Variants in RBFOX2 observed in about 807,000 individuals in gnomAD.
RBFOX2 encodes RNA binding fox-1 homolog 2.
A neutral mutation model predicts 49.1 loss-of-function variants in RBFOX2; 10 were observed. That is an observed-to-expected ratio of 0.20 (90% CI 0.13 to 0.35). RBFOX2 has a LOEUF of 0.35. Among genes scored for constraint, RBFOX2 ranks in the 10% least tolerant of loss-of-function variants. The probability of loss-of-function intolerance (pLI) is 1.00; values close to 1 mark genes in which losing one functional copy is unlikely to be tolerated. For missense variants in RBFOX2, 323 were observed against 486.9 expected (o/e 0.66, Z 3.17); for synonymous variants, 183 against 187.4 (o/e 0.98, Z 0.19).
chr22:35,928,288 A>T (rs1430510116), intron 1 of RBFOX2, among the ~76,000 whole-genome samples: 1 of 152,122 alleles, frequency 6.6e-6, no homozygotes, highest in Admixed American at 6.5e-5. Context: ...TCTGCAGAGA[A>T]ATTGCCACAA....
intron 1 of RBFOX2, among the ~76,000 whole-genome samples, chr22:36,008,679 G>C (rs774217235): frequency 2.0e-5 from 3 of 152,000 alleles, no homozygotes; most frequent in African/African-American, 7.2e-5. Flanking sequence ...TTAACTGGGC[G>C]TGGTGGCACA....
At chr22:35,887,771 CT>C (rs1242949360) in intron 1 of RBFOX2, among the ~76,000 whole-genome samples, 3 of 152,132 alleles carry the variant, frequency 2.0e-5, no homozygotes. Context: ...TTTTTGAAGT[CT>C]TTAGCACCAA....
chr22:35,801,078 C>T (rs144993739), intron 2 of RBFOX2, among the ~76,000 whole-genome samples: 19 of 152,222 alleles, frequency 1.2e-4, no homozygotes, highest in African/African-American at 3.9e-4. Context: ...ACGAAGATTA[C>T]GGACTTAGAA....
At chr22:35,858,666 A>AAATAC (rs1321000320) in intron 1 of RBFOX2, among the ~76,000 whole-genome samples, 1 of 151,962 alleles carries the variant, frequency 6.6e-6, no homozygotes, top group African/African-American at 2.4e-5. Flanking sequence ...ACTCTACTAA[A>AAATAC]AATACAAAAA....
At chr22:35,859,640 T>C (rs1389233002) in intron 1 of RBFOX2, among the ~76,000 whole-genome samples, 1 of 152,226 alleles carries the variant, frequency 6.6e-6, no homozygotes, top group Non-Finnish European at 1.5e-5. Flanking sequence ...ATGAGAGACA[T>C]GGCATACAAA....
intron 1 of RBFOX2, among the ~76,000 whole-genome samples, chr22:35,979,038 T>C (rs2057333318): frequency 6.6e-6 from 1 of 152,194 alleles, no homozygotes. Context: ...CTTAACCAGC[T>C]GTTCAAGGTT....
intron 1 of RBFOX2, among the ~76,000 whole-genome samples, chr22:35,911,449 G>A (rs1427442283): frequency 1.3e-5 from 2 of 152,068 alleles, no homozygotes; most frequent in Admixed American, 6.6e-5. Context: ...TGTCTTAATC[G>A]ACCTCTGATT....
chr22:35,751,780 G>A (rs1299200867), intron 9 of RBFOX2, among the ~76,000 whole-genome samples: 1 of 152,070 alleles, frequency 6.6e-6, no homozygotes, highest in East Asian at 1.9e-4. Context: ...TTAAAATTGG[G>A]GTTAAGGGAA....
intron 1 of RBFOX2, among the ~76,000 whole-genome samples, chr22:35,836,668 G>A (rs534110064): frequency 6.9e-4 from 105 of 152,344 alleles, no homozygotes; most frequent in Non-Finnish European, 1.1e-3. Context: ...GGAGGGCTTT[G>A]TGTTCCACAG....
intron 1 of RBFOX2, among the ~76,000 whole-genome samples, chr22:35,826,889 C>G (rs1366386381): frequency 6.6e-6 from 1 of 152,176 alleles, no homozygotes; most frequent in Non-Finnish European, 1.5e-5. Flanking sequence ...CCTTCTCGCT[C>G]TCTCTCAAAA....
intron 1 of RBFOX2, among the ~76,000 whole-genome samples, chr22:35,882,894 G>A (rs1295616969): frequency 6.6e-6 from 1 of 152,188 alleles, no homozygotes; most frequent in Non-Finnish European, 1.5e-5. Context: ...TATTAGGGCT[G>A]CTTTCTCACT....
chr22:35,874,401 C>T (rs1381948494), intron 1 of RBFOX2, among the ~76,000 whole-genome samples: 1 of 151,772 alleles, frequency 6.6e-6, no homozygotes, highest in Non-Finnish European at 1.5e-5. Flanking sequence ...TACAAGTTGT[C>T]AAAAACATGT....
intron 1 of RBFOX2, among the ~76,000 whole-genome samples, chr22:35,838,262 TTC>T (rs1373849180): frequency 1.5e-5 from 2 of 136,950 alleles, no homozygotes; most frequent in African/African-American, 6.9e-5. Context: ...AGTATTTCTT[TTC>T]TTTTTTTTTT....
At chr22:35,826,966 G>A (rs1343262479) in intron 1 of RBFOX2, among the ~76,000 whole-genome samples, 1 of 152,186 alleles carries the variant, frequency 6.6e-6, no homozygotes, top group Non-Finnish European at 1.5e-5. Flanking sequence ...AAGGGACACT[G>A]TGGATGGGGG....
At chr22:36,001,828 C>T (rs904761357) in intron 1 of RBFOX2, among the ~76,000 whole-genome samples, 1 of 151,964 alleles carries the variant, frequency 6.6e-6, no homozygotes, top group Non-Finnish European at 1.5e-5. Flanking sequence ...CTTTGAGAGG[C>T]CAAGGCGGGC....
chr22:35,889,612 T>A (rs749623529), intron 1 of RBFOX2, among the ~76,000 whole-genome samples: 4 of 152,144 alleles, frequency 2.6e-5, no homozygotes, highest in Admixed American at 2.6e-4. Context: ...GGTATCTTTT[T>A]AAAAAATCTA....
At chr22:35,951,544 G>A (rs1011080595) in intron 1 of RBFOX2, among the ~76,000 whole-genome samples, 2 of 152,012 alleles carry the variant, frequency 1.3e-5, no homozygotes, top group Non-Finnish European at 2.9e-5. Context: ...TGCGCCTGGA[G>A]GTAAATAATT....
At chr22:35,898,719 G>C (rs566469373) in intron 1 of RBFOX2, among the ~76,000 whole-genome samples, 1 of 152,156 alleles carries the variant, frequency 6.6e-6, no homozygotes, top group Non-Finnish European at 1.5e-5. Context: ...GAGCCACCAT[G>C]ACCACTGGCA....
chr22:35,798,308 C>T (rs1245617093), intron 2 of RBFOX2, among the ~76,000 whole-genome samples: 7 of 152,196 alleles, frequency 4.6e-5, no homozygotes, highest in Non-Finnish European at 1.0e-4. Flanking sequence ...TCTATAGGTT[C>T]ATTGAGGGCA....
Sources: gnomAD v4.1 joint callset for allele counts (sites outside exome capture counted in the v4.1 genomes callset) on GRCh38, gnomAD v4.1.1 for gene constraint, MANE v1.5 for transcripts, NCBI Gene and HGNC (gene_info 2026-07-23, HGNC 2026-07-21) for gene names.